Variants in AMZ1 observed in about 807,000 individuals in gnomAD.
The protein encoded by AMZ1 is archaemetzincin-1.
AMZ1 carries 39 observed loss-of-function variants against 29.9 expected under a neutral mutation model. That is an observed-to-expected ratio of 1.30 (90% CI 1.01 to 1.70). AMZ1 has a LOEUF of 1.70. AMZ1 is among the 40% of genes most tolerant of loss of function. The probability of loss-of-function intolerance (pLI) is 0.00; values close to 1 mark genes in which losing one functional copy is unlikely to be tolerated. For synonymous variants in AMZ1, 458 were observed against 304.0 expected, an observed-to-expected ratio of 1.51 and a Z score of -5.27; for missense variants, 1,041 against 680.6, an observed-to-expected ratio of 1.53 and a Z score of -5.89.
intron 3 of AMZ1, among the ~76,000 whole-genome samples, chr7:2,703,113 C>G (rs565587931): frequency 6.6e-6 from 1 of 152,306 alleles, no homozygotes; most frequent in South Asian, 2.1e-4. Flanking sequence ...CAGGAAAACG[C>G]CAGAGCATGC....
At chr7:2,724,825 G>A (rs564730786) in intron 4 of AMZ1, among the ~76,000 whole-genome samples, 9 of 152,284 alleles carry the variant, frequency 5.9e-5, no homozygotes, top group African/African-American at 9.6e-5. Flanking sequence ...GCTGCCGGGC[G>A]CGTGAGAGTC....
At position 2,700,716 on chromosome 7, in the gene AMZ1, C is replaced by G; in HGVS notation, c.265C>G (p.Pro89Ala). 6.2e-7 allele frequency: 1 copy of G among 1,613,146 alleles called. No individual in the cohort carries two copies. The highest frequency in any genetic ancestry group is 1.3e-5 in the African/African-American group (1 of 75,060). Residue 89 changes from proline to alanine, a missense_variant, in exon 2 of 7, where the codon CCC becomes GCC. Transcript: ENST00000683327. ...TFHASLQHRKPRLARKHIYLQ... is the reference protein window; with the variant it reads ...TFHASLQHRKARLARKHIYLQ... ...CCACGCCTCCCTGCAGCACCGGAAGCCCCGCCTGGCTCGGAAGCACATCTA... is the reference window on the plus strand; with the variant it reads ...CCACGCCTCCCTGCAGCACCGGAAGGCCCGCCTGGCTCGGAAGCACATCTA...
At chr7:2,707,452 C>A (rs547451209) in intron 3 of AMZ1, among the ~76,000 whole-genome samples, 9 of 152,290 alleles carry the variant, frequency 5.9e-5, no homozygotes, top group African/African-American at 2.2e-4. Flanking sequence ...GGTGGCTGCT[C>A]TGCCCCCTTC....
chr7:2,685,390 C>T (rs1787039639), upstream of AMZ1, among the ~76,000 whole-genome samples: 2 of 148,820 alleles, frequency 1.3e-5, no homozygotes, highest in Non-Finnish European at 3.0e-5. Flanking sequence ...AAGCCCTGTC[C>T]TTCCTAAAAA....
intron 3 of AMZ1, among the ~76,000 whole-genome samples, chr7:2,704,540 G>T: frequency 6.9e-6 from 1 of 145,110 alleles, no homozygotes; most frequent in African/African-American, 2.6e-5. Context: ...TCATGTTTGT[G>T]AGTTCTACAG....
At position 2,715,379 on chromosome 7, in the gene AMZ1, C is replaced by G. The variant is rs1363361555; in HGVS notation, c.*2501C>G. The G allele has an allele frequency of 1.3e-5, 2 of 152,366 alleles. No homozygotes were observed. Among genetic ancestry groups the G allele is most frequent in the Non-Finnish European group, 2.9e-5 (2 of 68,042 alleles). 9.4% of individuals were successfully genotyped at this position (152,366 alleles called of 1,614,324 possible). On this transcript the variant is annotated 3_prime_UTR_variant, in exon 7 of 7. Transcript: ENST00000683327. ...TGACCTGTTTTCCGATTTCCTTCAT[C>G]TTCTGCAAAAGGTTAACCGCTGGAG... is the stretch of plus-strand genomic sequence containing the variant.
intron 1 of AMZ1, among the ~76,000 whole-genome samples, chr7:2,697,448 G>A (rs1787809657): frequency 6.6e-6 from 1 of 151,830 alleles, no homozygotes; most frequent in Admixed American, 6.6e-5. Flanking sequence ...TTTTGAGACA[G>A]GGTCTCACTC....
chr7:2,750,102 C>T (rs1451875099), intron 4 of AMZ1, among the ~76,000 whole-genome samples: 1 of 152,102 alleles, frequency 6.6e-6, no homozygotes, highest in Non-Finnish European at 1.5e-5. Flanking sequence ...GATGCTATAC[C>T]ACACACTTCT....
At position 2,700,767 on chromosome 7, in the gene AMZ1, C is replaced by T. The variant is rs1329475634; in HGVS notation, c.304+12C>T. On this transcript the variant is annotated intron_variant, in intron 2 of 6. Transcript: ENST00000683327. ...CCTACAGCCGATAGGTACGGGACGCCTGCAGCCATCGGCACGCTCCTGGGG... is the reference window on the plus strand; with the variant it reads ...CCTACAGCCGATAGGTACGGGACGCTTGCAGCCATCGGCACGCTCCTGGGG... 1 of 1,608,092 alleles carries T rather than the reference C, an allele frequency of 6.2e-7. No homozygotes were observed.
chr7:2,710,070 G>C (rs543891800), intron 6 of AMZ1, among the ~76,000 whole-genome samples: 1 of 152,248 alleles, frequency 6.6e-6, no homozygotes, highest in Non-Finnish European at 1.5e-5. Flanking sequence ...GAGTGGGGAC[G>C]AGGGCTTTTC....
chr7:2,742,074 T>C (rs563786324), intron 4 of AMZ1, among the ~76,000 whole-genome samples: 14 of 152,020 alleles, frequency 9.2e-5, no homozygotes, highest in African/African-American at 3.4e-4. Flanking sequence ...CAGGCTAGAG[T>C]GCAGTGGGGC....
intron 4 of AMZ1, among the ~76,000 whole-genome samples, chr7:2,756,425 C>T (rs1470289266): frequency 6.6e-6 from 1 of 152,026 alleles, no homozygotes; most frequent in Non-Finnish European, 1.5e-5. Flanking sequence ...CCAGCCTGGG[C>T]AATAGAGTGA....
chr7:2,695,025 T>C (rs1248547386), intron 1 of AMZ1, among the ~76,000 whole-genome samples: 2 of 152,176 alleles, frequency 1.3e-5, no homozygotes, highest in Non-Finnish European at 1.5e-5. Flanking sequence ...TCACCTGCCC[T>C]GGGACCCGCC....
rs1788917393 is a variant in AMZ1, at chr7:2,713,274, C to T, written c.*396C>T. ...AAAAGTTCTTTGGAGAAGCCACAGA[C>T]CACCTGTCTTCAGGCGCCTCCTTCA... is the stretch of plus-strand genomic sequence containing the variant. On this transcript the variant is annotated 3_prime_UTR_variant, in exon 7 of 7. Coordinates refer to ENST00000683327, the MANE Select transcript of AMZ1 (RefSeq NM_001384743.1). 1 of 156,182 alleles carries T rather than the reference C, an allele frequency of 6.4e-6. No homozygotes were observed. The highest frequency in any genetic ancestry group is 2.1e-4 in the South Asian group (1 of 4,878). The allele number at this position is 156,182 out of a possible 1,614,324, so 9.7% of individuals were successfully genotyped here. A position where few individuals can be genotyped will look rare whatever the true frequency, so the allele number is the denominator to read the frequency against.
intron 4 of AMZ1, among the ~76,000 whole-genome samples, chr7:2,738,789 T>C (rs1790343733): frequency 6.6e-6 from 1 of 152,178 alleles, no homozygotes; most frequent in Non-Finnish European, 1.5e-5. Context: ...GACAATAAGG[T>C]TAGAGGCGGA....
At chr7:2,754,939 G>A (rs763629740) in intron 4 of AMZ1, among the ~76,000 whole-genome samples, 27 of 152,216 alleles carry the variant, frequency 1.8e-4, no homozygotes, top group Admixed American at 4.6e-4. Flanking sequence ...ACTGAAATCT[G>A]TAACTCAGTT....
At chr7:2,694,342 C>T (rs1465991587) in intron 1 of AMZ1, among the ~76,000 whole-genome samples, 1 of 152,230 alleles carries the variant, frequency 6.6e-6, no homozygotes, top group Non-Finnish European at 1.5e-5. Context: ...GTTCTCAGGC[C>T]TTCGGACATG....
chr7:2,764,018 C>A (rs1791697203), upstream of AMZ1, among the ~76,000 whole-genome samples: 1 of 152,162 alleles, frequency 6.6e-6, no homozygotes, highest in Admixed American at 6.5e-5. Flanking sequence ...CCTATACTTT[C>A]TAGAAGTCTT....
chr7:2,734,282 C>G (rs1262798031), intron 4 of AMZ1, among the ~76,000 whole-genome samples: 1 of 152,194 alleles, frequency 6.6e-6, no homozygotes, highest in Non-Finnish European at 1.5e-5. Context: ...TATGAACAGG[C>G]ACGCAATGAG....
Sources: gnomAD v4.1 joint callset for allele counts (sites outside exome capture counted in the v4.1 genomes callset) on GRCh38, gnomAD v4.1.1 for gene constraint, MANE v1.5 for transcripts, NCBI Gene and HGNC (gene_info 2026-07-23, HGNC 2026-07-21) for gene names.